The following DPP6 variants were observed in gnomAD, a reference collection of about 807,000 sequenced individuals.
DPP6 encodes A-type potassium channel modulatory protein DPP6.
DPP6 carries 69 observed loss-of-function variants against 122.6 expected under a neutral mutation model. That is an observed-to-expected ratio of 0.56 (90% confidence interval 0.46 to 0.69). The LOEUF (loss-of-function observed/expected upper bound fraction) is 0.69, where lower values mean the gene tolerates loss of function less well. Among genes scored for constraint, DPP6 ranks in the 30% least tolerant of loss-of-function variants. DPP6 has a pLI of 0.00. For missense variants in DPP6, 928 were observed against 1,116.9 expected (o/e 0.83, Z 2.41); for synonymous variants, 418 against 433.1 (o/e 0.97, Z 0.43).
intron 1 of DPP6, among the ~76,000 whole-genome samples, chr7:154,081,654 A>G (rs1428762532): frequency 1.3e-5 from 2 of 148,934 alleles, no homozygotes; most frequent in African/African-American, 5.1e-5. Flanking sequence ...GAGAAAATCA[A>G]GGGACGTCAA....
At chr7:154,365,568 C>T (rs763468999) in intron 1 of DPP6, among the ~76,000 whole-genome samples, 1 of 152,200 alleles carries the variant, frequency 6.6e-6, no homozygotes, top group Non-Finnish European at 1.5e-5. Flanking sequence ...CATTTATGCT[C>T]AGAGTCCGCC....
At chr7:154,374,965 G>A (rs1586093792) in intron 1 of DPP6, among the ~76,000 whole-genome samples, 1 of 152,280 alleles carries the variant, frequency 6.6e-6, no homozygotes, top group East Asian at 1.9e-4. Flanking sequence ...TACTCATTAT[G>A]TGACAGACAC....
intron 5 of DPP6, among the ~76,000 whole-genome samples, chr7:154,616,933 T>C (rs186212482): frequency 6.6e-6 from 1 of 152,272 alleles, no homozygotes; most frequent in Non-Finnish European, 1.5e-5. Context: ...AAACAACAGC[T>C]GCAAGTTGGA....
chr7:153,872,623 T>C, the DPP6 span, among the ~76,000 whole-genome samples: 4 of 152,320 alleles, frequency 2.6e-5, no homozygotes, highest in South Asian at 8.3e-4. Context: ...TATATAAGTA[T>C]TTTACATTTA....
In DPP6 at chr7:154,755,184, G is replaced by A. The variant is rs1843604259; in HGVS notation, c.884-14233G>A. Among the ~76,000 whole-genome samples the A allele has an allele frequency of 6.6e-6, 1 of 150,578 alleles. No individual in the cohort carries two copies. The highest frequency in any genetic ancestry group is 2.1e-4 in the South Asian group (1 of 4,728). The stretch of plus-strand genomic sequence containing the variant: ...AAAAAAGAAACTGAACACATGTCAG[G>A]AGCTGAATTTAAAACAATGTTTTGG... On this transcript the variant is annotated intron_variant, in intron 8 of 25. Transcript: ENST00000377770. This position sits in a 1 kb window ranked among gnomAD's most constrained non-coding sequence, Gnocchi z 4.7.
the DPP6 span, among the ~76,000 whole-genome samples, chr7:153,809,935 C>T: frequency 6.6e-6 from 1 of 151,896 alleles, no homozygotes; most frequent in Non-Finnish European, 1.5e-5. Context: ...TCAGCCTATT[C>T]TCTCCCAAGG....
chr7:153,961,379 T>C (rs2531107), intron 1 of DPP6, among the ~76,000 whole-genome samples: 6 of 151,482 alleles, frequency 4.0e-5, no homozygotes, highest in Non-Finnish European at 5.9e-5. Flanking sequence ...CAGTCTTCTG[T>C]GTAGGCAGAG....
At chr7:154,369,509 C>G (rs1586076819) in intron 1 of DPP6, among the ~76,000 whole-genome samples, 1 of 151,644 alleles carries the variant, frequency 6.6e-6, no homozygotes. Context: ...GCTGGGATTA[C>G]AGGCACCCAC....
rs151233319 is a variant in DPP6, at chr7:154,585,031, C to T, written c.627+18115C>T. Among the ~76,000 whole-genome samples the T allele has an allele frequency of 1.9e-3, 295 of 152,292 alleles. 2 individuals are homozygous for T. The highest frequency in any genetic ancestry group is 6.9e-3 in the African/African-American group (286 of 41,566). ...CACAAATTGGGATATGGAACAGCCC[C>T]ATCACCCCAAAAAACTCCCCCTGCT... On this transcript the variant is annotated intron_variant, in intron 5 of 25. Coordinates refer to ENST00000377770, the MANE Select transcript of DPP6 (RefSeq NM_130797.4).
chr7:154,715,392 A>G (rs1841426420), intron 7 of DPP6, among the ~76,000 whole-genome samples: 1 of 152,218 alleles, frequency 6.6e-6, no homozygotes, highest in Non-Finnish European at 1.5e-5. Context: ...ATAAAAAGGA[A>G]TATTTGTTGA....
At chr7:153,916,466 C>T (rs1585026904) in intron 1 of DPP6, among the ~76,000 whole-genome samples, 1 of 147,866 alleles carries the variant, frequency 6.8e-6, no homozygotes, top group East Asian at 2.1e-4. Flanking sequence ...GACTGGAGTG[C>T]AGTGGCACGA....
At chr7:154,081,590 C>T (rs370568002) in intron 1 of DPP6, among the ~76,000 whole-genome samples, 2 of 148,324 alleles carry the variant, frequency 1.3e-5, no homozygotes, top group East Asian at 2.0e-4. Flanking sequence ...ATGAAGGCTT[C>T]TAGGAAAGGC....
intron 1 of DPP6, among the ~76,000 whole-genome samples, chr7:154,071,109 A>G (rs913803737): frequency 6.6e-6 from 1 of 152,202 alleles, no homozygotes; most frequent in Non-Finnish European, 1.5e-5. Flanking sequence ...AAATAGAGCA[A>G]ACAAAACGTC....
chr7:154,168,666 C>G (rs986720689), intron 1 of DPP6, among the ~76,000 whole-genome samples: 1 of 152,172 alleles, frequency 6.6e-6, no homozygotes, highest in Non-Finnish European at 1.5e-5. Context: ...GTCTCTTCAT[C>G]ATGGAATTCA....
the DPP6 span, among the ~76,000 whole-genome samples, chr7:153,873,342 A>T: frequency 6.6e-6 from 1 of 152,240 alleles, no homozygotes; most frequent in Admixed American, 6.5e-5. Flanking sequence ...AGGGGCCAAA[A>T]CAAACCAAAA....
intron 1 of DPP6, among the ~76,000 whole-genome samples, chr7:154,104,075 C>T (rs879600470): frequency 5.3e-5 from 8 of 152,248 alleles, no homozygotes; most frequent in East Asian, 1.9e-4. Flanking sequence ...AGATCTGTCC[C>T]TCTGGAGATT....
At chr7:153,972,348 A>G (rs1796066188) in intron 1 of DPP6, among the ~76,000 whole-genome samples, 1 of 151,718 alleles carries the variant, frequency 6.6e-6, no homozygotes, top group African/African-American at 2.4e-5. Context: ...CCTCACAAAC[A>G]CTAAGTCAAA....
intron 1 of DPP6, among the ~76,000 whole-genome samples, chr7:154,040,555 C>T (rs1479423440): frequency 6.8e-6 from 1 of 147,304 alleles, no homozygotes; most frequent in Non-Finnish European, 1.5e-5. Context: ...GAGCGAGGCT[C>T]ACATTCAAAC....
At position 154,458,690 on chromosome 7, in the gene DPP6, C is replaced by T. The variant is rs190782938; in HGVS notation, c.358+12362C>T. Among the ~76,000 whole-genome samples the T allele has an allele frequency of 1.1e-4, 16 of 152,288 alleles. No homozygotes were observed. The South Asian group carries it at 1.4e-3, about 14-fold the overall frequency. Reference sequence around the variant, plus strand: ...GAGATAAATGGCATTGCCACTTTTACGGTGGCCATGTCTTACAGGCAGGCA... The same window carrying T: ...GAGATAAATGGCATTGCCACTTTTATGGTGGCCATGTCTTACAGGCAGGCA... On this transcript the variant is annotated intron_variant, in intron 2 of 25. Transcript: ENST00000377770.
Sources: gnomAD v4.1 joint callset for allele counts (sites outside exome capture counted in the v4.1 genomes callset) on GRCh38, gnomAD v4.1.1 for gene constraint, Gnocchi (gnomAD v3.1) non-coding constraint, MANE v1.5 for transcripts, NCBI Gene and HGNC (gene_info 2026-07-23, HGNC 2026-07-21) for gene names.